CPPED1: variants seen among roughly 807,000 people sequenced by gnomAD.
CPPED1 encodes the protein calcineurin like phosphoesterase domain containing 1, also known as serine/threonine-protein phosphatase CPPED1.
In CPPED1, 28 loss-of-function variants were observed where a neutral mutation model predicts 28.0. The ratio of observed to expected loss-of-function variants is 1.00; its 90% CI spans 0.74 to 1.37. The LOEUF is 1.37. Among genes scored for constraint, CPPED1 ranks in the 40% most tolerant of loss-of-function variants. CPPED1 has a pLI of 0.00. For missense variants in CPPED1, 504 were observed against 416.5 expected, an observed-to-expected ratio of 1.21 and a Z score of -1.83; for synonymous variants, 198 against 180.2, an observed-to-expected ratio of 1.10 and a Z score of -0.79.
intron 1 of CPPED1, among the ~76,000 whole-genome samples, chr16:12,787,555 T>A (rs143600510): frequency 6.6e-6 from 1 of 151,902 alleles, no homozygotes; most frequent in South Asian, 2.1e-4. Context: ...TACAGGCATG[T>A]GCCACCACAC....
At chr16:12,791,582 C>A (rs900392378) in intron 1 of CPPED1, among the ~76,000 whole-genome samples, 1 of 152,172 alleles carries the variant, frequency 6.6e-6, no homozygotes, top group Non-Finnish European at 1.5e-5. Flanking sequence ...CCCACCTTAC[C>A]GTTCCCATCA....
chr16:12,781,115 T>G, intron 2 of CPPED1, 70 bp downstream of exon 2: 1 of 1,433,294 alleles, frequency 7.0e-7, no homozygotes, highest in Non-Finnish European at 9.6e-7. Flanking sequence ...AAAATCTTTT[T>G]TTCTCCTGCC....
chr16:12,798,743 T>C (rs965495493), intron 1 of CPPED1, among the ~76,000 whole-genome samples: 1 of 152,242 alleles, frequency 6.6e-6, no homozygotes, highest in Non-Finnish European at 1.5e-5. Flanking sequence ...TCTCTCTCCC[T>C]TTTAGGATTT....
At chr16:12,665,689 G>A (rs2079821747) in intron 3 of CPPED1, among the ~76,000 whole-genome samples, 1 of 152,150 alleles carries the variant, frequency 6.6e-6, no homozygotes, top group Admixed American at 6.5e-5. Flanking sequence ...CAGCACTTTG[G>A]GAGGCCAAGG....
At chr16:12,725,991 G>A (rs1417920053) in intron 2 of CPPED1, among the ~76,000 whole-genome samples, 1 of 152,052 alleles carries the variant, frequency 6.6e-6, no homozygotes. Flanking sequence ...GAGCCCAGGA[G>A]TTCAAGACCA....
At chr16:12,699,863 T>A (rs2080011182) in intron 3 of CPPED1, among the ~76,000 whole-genome samples, 1 of 152,164 alleles carries the variant, frequency 6.6e-6, no homozygotes, top group Non-Finnish European at 1.5e-5. Context: ...TATCCCAGCC[T>A]TTAAGTTAAT....
chr16:12,803,696 G>A lies in CPPED1; in HGVS notation c.70+11C>T, dbSNP rs776986054. On this transcript the variant is annotated intron_variant, in intron 1 of 3. Transcript: ENST00000381774. ...CCAGAGTCCCCTCCCCGGGTGAGGG[G>A]CGGGCAGTACCTGCGGGAAACGCGG... 1.3e-6 allele frequency: 2 copies of A among 1,553,502 alleles called. No individual in the cohort carries two copies. The highest frequency in any genetic ancestry group is 2.4e-5 in the South Asian group (2 of 84,936).
At chr16:12,737,021 C>A (rs189897177) in intron 2 of CPPED1, among the ~76,000 whole-genome samples, 34 of 152,114 alleles carry the variant, frequency 2.2e-4, no homozygotes, top group Admixed American at 1.8e-3. Flanking sequence ...AAAACCCTGT[C>A]TCTACTAAAA....
intron 3 of CPPED1, among the ~76,000 whole-genome samples, chr16:12,689,673 C>T (rs1014931418): frequency 3.9e-5 from 6 of 151,978 alleles, no homozygotes; most frequent in East Asian, 1.9e-4. Context: ...TTCACAAAGC[C>T]GAAGGAAACG....
intron 3 of CPPED1, among the ~76,000 whole-genome samples, chr16:12,702,820 G>C (rs1349380896): frequency 1.3e-5 from 2 of 151,838 alleles, no homozygotes; most frequent in African/African-American, 2.4e-5. Context: ...CCAACATGGT[G>C]AAACTAAACC....
At chr16:12,772,005 C>T (rs2080472873) in intron 2 of CPPED1, among the ~76,000 whole-genome samples, 1 of 152,164 alleles carries the variant, frequency 6.6e-6, no homozygotes, top group African/African-American at 2.4e-5. Flanking sequence ...TGCCTGTAAT[C>T]CCAGCTACTT....
chr16:12,724,348 C>T (rs1186413389), intron 2 of CPPED1, among the ~76,000 whole-genome samples: 2 of 152,228 alleles, frequency 1.3e-5, no homozygotes, highest in East Asian at 1.9e-4. Context: ...CCTTGCAGAA[C>T]TGGCAAGAGC....
intron 3 of CPPED1, among the ~76,000 whole-genome samples, chr16:12,690,185 G>A (rs936267001): frequency 6.6e-6 from 1 of 152,248 alleles, no homozygotes; most frequent in East Asian, 1.9e-4. Context: ...GTCTGCGGGG[G>A]TGGGTACAGA....
chr16:12,762,560 T>C (rs960435157), intron 2 of CPPED1, among the ~76,000 whole-genome samples: 4 of 152,138 alleles, frequency 2.6e-5, no homozygotes, highest in African/African-American at 7.2e-5. Flanking sequence ...GAAAACATCA[T>C]GGTAAGTGAA....
At chr16:12,777,870 A>T (rs973062782) in intron 2 of CPPED1, among the ~76,000 whole-genome samples, 8 of 79,208 alleles carry the variant, frequency 1.0e-4, no homozygotes, top group African/African-American at 3.3e-4. Context: ...TACTTTCATT[A>T]AAAAAAAAAT....
intron 1 of CPPED1, among the ~76,000 whole-genome samples, chr16:12,797,050 C>T (rs900184495): frequency 6.6e-6 from 1 of 151,986 alleles, no homozygotes; most frequent in South Asian, 2.1e-4. Flanking sequence ...CGGAAAAGGC[C>T]CATCTATGGA....
intron 1 of CPPED1, among the ~76,000 whole-genome samples, 159 bp downstream of exon 1, chr16:12,803,548 C>T (rs1047607768): frequency 6.6e-6 from 1 of 152,256 alleles, no homozygotes; most frequent in African/African-American, 2.4e-5. Flanking sequence ...CCCCTGGAAT[C>T]CCTAAGAGCA....
At chr16:12,677,765 T>TAGCTA (rs2079885183) in intron 3 of CPPED1, among the ~76,000 whole-genome samples, 1 of 152,238 alleles carries the variant, frequency 6.6e-6, no homozygotes. Flanking sequence ...CCCCAAATCC[T>TAGCTA]GTTAACTAGC....
intron 2 of CPPED1, among the ~76,000 whole-genome samples, chr16:12,769,979 T>C (rs1173935475): frequency 2.6e-5 from 4 of 152,142 alleles, no homozygotes; most frequent in Non-Finnish European, 5.9e-5. Flanking sequence ...TAACTGAGCC[T>C]CTTTAAAAAC....
Sources: allele counts gnomAD v4.1 joint callset (sites outside exome capture counted in the v4.1 genomes callset), GRCh38; gene constraint gnomAD v4.1.1; transcripts MANE v1.5; gene names NCBI Gene and HGNC (gene_info 2026-07-23, HGNC 2026-07-21).